TNFRSF19: variants seen among roughly 807,000 people sequenced by gnomAD.
TNFRSF19 encodes tumor necrosis factor receptor superfamily member 19.
Under a neutral mutation model 46.4 loss-of-function variants are expected in TNFRSF19, and 27 were observed. The observed-to-expected ratio is 0.58, with a 90% CI of 0.43 to 0.80. TNFRSF19 has a LOEUF of 0.80. Ranked by LOEUF, TNFRSF19 falls within the 30% of genes least tolerant of loss-of-function variation. The probability of loss-of-function intolerance (pLI) is 0.00; values close to 1 mark genes in which losing one functional copy is unlikely to be tolerated. For missense variants in TNFRSF19, 511 were observed against 530.8 expected (o/e 0.96, Z 0.37); for synonymous variants, 204 against 205.0 (o/e 1.00, Z 0.04).
intron 5 of TNFRSF19, among the ~76,000 whole-genome samples, chr13:23,629,597 A>G (rs564248926): frequency 1.3e-5 from 2 of 152,336 alleles, no homozygotes; most frequent in African/African-American, 2.4e-5. Flanking sequence ...TTGTATTGCC[A>G]GAAGTGTTGG....
chr13:23,668,788 G>C lies in TNFRSF19; in HGVS notation c.936G>C (p.Gln312His), dbSNP rs1296294117. The C allele has an allele frequency of 2.5e-6, 4 of 1,614,132 alleles. No individual in the cohort carries two copies. The highest frequency in any genetic ancestry group is 3.4e-6 in the Non-Finnish European group (4 of 1,180,054). Reference protein sequence around the residue: ...GEFSDAWPLMQNPMGGDNISF... With the variant: ...GEFSDAWPLMHNPMGGDNISF... The stretch of plus-strand genomic sequence containing the variant: ...TTTCAGATGCCTGGCCTCTGATGCA[G>C]AATCCCATGGGTGGTGACAACATCT... Residue 312 changes from glutamine (Q) to histidine (H), a missense_variant, in exon 9 of 10, where the codon CAG (glutamine) becomes CAC (histidine). Physicochemically the swap from Gln to His is conservative, Grantham distance 24. Around this residue, in one of 3 missense-constraint regions of TNFRSF19, gnomAD observed 376 missense variants for 372.7 expected, o/e 1.01. Transcript: ENST00000248484.
rs1766062185 is a variant in TNFRSF19, at chr13:23,659,556, G to A, written c.610+342G>A. On this transcript the variant is annotated intron_variant, in intron 6 of 9. Coordinates refer to ENST00000248484, the MANE Select transcript of TNFRSF19 (RefSeq NM_148957.4). The surrounding 1 kb of genome is among the most constrained non-coding windows in gnomAD (Gnocchi z 4.9). The stretch of plus-strand genomic sequence containing the variant: ...GAGTCTGGCTCTGTCACCCAGGCTG[G>A]AGGGCAGTGGCGTGACTTCAGCTCA... 1.3e-5 allele frequency among the ~76,000 whole-genome samples: 2 copies of A among 152,088 alleles called. No homozygotes were observed. The highest frequency in any genetic ancestry group is 6.5e-5 in the Admixed American group (1 of 15,268).
chr13:23,620,886 A>G (rs907399365), intron 4 of TNFRSF19, among the ~76,000 whole-genome samples: 11 of 152,192 alleles, frequency 7.2e-5, no homozygotes, highest in African/African-American at 2.4e-4. Context: ...AGCACTTACT[A>G]TCATCCGAAC....
intron 3 of TNFRSF19, among the ~76,000 whole-genome samples, chr13:23,611,653 T>C (rs893614513): frequency 5.3e-5 from 8 of 152,224 alleles, no homozygotes; most frequent in African/African-American, 1.4e-4. Context: ...CATTATTTAT[T>C]TGCTTACTTG....
chr13:23,649,142 G>A (rs757321634), intron 5 of TNFRSF19, among the ~76,000 whole-genome samples: 46 of 152,176 alleles, frequency 3.0e-4, no homozygotes, highest in Non-Finnish European at 5.3e-4. Context: ...AGTTTGAGAA[G>A]TGTTGGAGTT....
intron 9 of TNFRSF19, 131 bp downstream of exon 9, chr13:23,669,228 G>T: frequency 7.1e-7 from 1 of 1,417,976 alleles, no homozygotes; most frequent in East Asian, 2.5e-5. Flanking sequence ...CTTGTATGTT[G>T]TAGAGTATGT....
chr13:23,645,447 C>T (rs1418656742), intron 5 of TNFRSF19, among the ~76,000 whole-genome samples: 1 of 152,164 alleles, frequency 6.6e-6, no homozygotes, highest in Non-Finnish European at 1.5e-5. Flanking sequence ...AGTGATCTTA[C>T]CGCCTTGGCC....
At chr13:23,575,021 A>G (rs1877864061) in intron 1 of TNFRSF19, among the ~76,000 whole-genome samples, 1 of 152,184 alleles carries the variant, frequency 6.6e-6, no homozygotes, top group African/African-American at 2.4e-5. Flanking sequence ...CTTTGAGAGG[A>G]GTTCTGATAA....
chr13:23,641,110 T>C (rs1883013908), intron 5 of TNFRSF19, among the ~76,000 whole-genome samples: 2 of 152,238 alleles, frequency 1.3e-5, no homozygotes, highest in Admixed American at 6.5e-5. Flanking sequence ...CACTCAATTA[T>C]GGTACTATCA....
intron 1 of TNFRSF19, among the ~76,000 whole-genome samples, chr13:23,589,613 C>T (rs1879105876): frequency 6.6e-6 from 1 of 152,210 alleles, no homozygotes; most frequent in Non-Finnish European, 1.5e-5. Flanking sequence ...GCAATGTGAC[C>T]TTGGGCAGGT....
At chr13:23,640,774 A>G (rs931585163) in intron 5 of TNFRSF19, among the ~76,000 whole-genome samples, 1 of 152,212 alleles carries the variant, frequency 6.6e-6, no homozygotes, top group South Asian at 2.1e-4. Flanking sequence ...ATTTTGCAGT[A>G]AGTGAGGGAG....
At chr13:23,643,980 G>A (rs1382183361) in intron 5 of TNFRSF19, among the ~76,000 whole-genome samples, 1 of 152,182 alleles carries the variant, frequency 6.6e-6, no homozygotes, top group Non-Finnish European at 1.5e-5. Flanking sequence ...AGTGAGTTCT[G>A]CTCACAATGA....
intron 5 of TNFRSF19, among the ~76,000 whole-genome samples, chr13:23,636,860 T>G (rs917775224): frequency 6.6e-6 from 1 of 152,226 alleles, no homozygotes; most frequent in African/African-American, 2.4e-5. Context: ...GCTGGCACAG[T>G]AGATGTATGT....
rs149958739 is a variant in TNFRSF19 at position 23,665,527 on chromosome 13, A to G, written c.737-2453A>G. Among the ~76,000 whole-genome samples the G allele has an allele frequency of 2.0e-3, 298 of 152,308 alleles. 2 individuals carry two copies. Among genetic ancestry groups the G allele is most frequent in the African/African-American group, 6.9e-3 (285 of 41,562 alleles). Reference sequence around the variant, plus strand: ...ATCAGTCATAATTACAGAAATATCGAAAGTGTAGAACAAAGAATTCCCACA... The same window carrying G: ...ATCAGTCATAATTACAGAAATATCGGAAGTGTAGAACAAAGAATTCCCACA... On this transcript the variant is annotated intron_variant, in intron 7 of 9. Coordinates refer to ENST00000248484, the MANE Select transcript of TNFRSF19 (RefSeq NM_148957.4).
intron 3 of TNFRSF19, among the ~76,000 whole-genome samples, chr13:23,610,738 G>A (rs1035334500): frequency 6.6e-6 from 1 of 152,128 alleles, no homozygotes; most frequent in South Asian, 2.1e-4. Flanking sequence ...GAGAGGTGGA[G>A]GGAGGCATTG....
chr13:23,593,891 A>G (rs1421264379), intron 3 of TNFRSF19, among the ~76,000 whole-genome samples: 4 of 152,080 alleles, frequency 2.6e-5, no homozygotes, highest in Admixed American at 2.0e-4. Context: ...TGCATTTCCA[A>G]CTGAGGTACC....
At chr13:23,669,591 G>A (rs538974761) in intron 9 of TNFRSF19, 70 of 985,228 alleles carry the variant, frequency 7.1e-5, no homozygotes, top group Middle Eastern at 5.2e-4. Flanking sequence ...CTGCTTTACC[G>A]GATTGATTGA....
At chr13:23,656,016 T>C (rs1375830237) in intron 5 of TNFRSF19, among the ~76,000 whole-genome samples, 1 of 152,160 alleles carries the variant, frequency 6.6e-6, no homozygotes, top group African/African-American at 2.4e-5. Flanking sequence ...AACTCATACA[T>C]ATAAACAAGA....
chr13:23,671,465 T>C (rs1014686987), intron 9 of TNFRSF19, among the ~76,000 whole-genome samples: 14 of 151,838 alleles, frequency 9.2e-5, no homozygotes, highest in African/African-American at 3.4e-4. Context: ...TAGTGAATAA[T>C]ATTTTGAGCC....
Sources: gnomAD v4.1 joint callset for allele counts (sites outside exome capture counted in the v4.1 genomes callset) on GRCh38, gnomAD v4.1.1 for gene constraint, gnomAD v4.1.1 regional missense constraint, Gnocchi (gnomAD v3.1) non-coding constraint, MANE v1.5 for transcripts, NCBI Gene and HGNC (gene_info 2026-07-23, HGNC 2026-07-21) for gene names.